The following SCO1 variants were observed in gnomAD, a reference collection of about 807,000 sequenced individuals.
The protein encoded by SCO1 is synthesis of cytochrome C oxidase 1.
A neutral mutation model predicts 34.0 loss-of-function variants in SCO1; 23 were observed. That is an observed-to-expected ratio of 0.68 (90% CI 0.49 to 0.96). The LOEUF (loss-of-function observed/expected upper bound fraction) is 0.96, where lower values mean the gene tolerates loss of function less well. Ranked by LOEUF, SCO1 falls within the 40% of genes least tolerant of loss-of-function variation. The probability of loss-of-function intolerance (pLI) is 0.00; values close to 1 mark genes in which losing one functional copy is unlikely to be tolerated. For synonymous variants in SCO1, 161 were observed against 145.5 expected (o/e 1.11, Z -0.77); for missense variants, 404 against 381.6 (o/e 1.06, Z -0.49).
chr17:10,692,935 T>C lies in SCO1; in HGVS notation c.391A>G (p.Ile131Val). The change falls in exon 3 of 6, where the codon ATC (isoleucine) becomes GTC (valine). Residue 131 changes from isoleucine (I) to valine (V), a missense_variant. Coordinates refer to ENST00000255390, the MANE Select transcript of SCO1 (RefSeq NM_004589.4). ...GGTCCCCCAAGTAAAGGCTTGCCGA[T>C]GTGTCGCTGCCGTTCCTTCTCTAAC... is the stretch of plus-strand genomic sequence containing the variant. Reference protein sequence around the residue: ...EKLEKERQRHIGKPLLGGPFS... With the variant: ...EKLEKERQRHVGKPLLGGPFS... 1.2e-6 allele frequency: 2 copies of C among 1,614,158 alleles called. No individual in the cohort carries two copies. The highest frequency in any genetic ancestry group is 1.7e-6 in the Non-Finnish European group (2 of 1,180,026).
chr17:10,673,240 G>A lies in SCO1; in HGVS notation c.*7879C>T, dbSNP rs1413887988. 1 of 152,164 alleles carries A rather than the reference G, an allele frequency of 6.6e-6. No homozygotes were observed. 9.4% of individuals were successfully genotyped at this position (152,164 alleles called of 1,614,324 possible). A position where few individuals can be genotyped will look rare whatever the true frequency, so the allele number is the denominator to read the frequency against. On this transcript the variant is annotated 3_prime_UTR_variant, in exon 6 of 6. Transcript: ENST00000255390. Reference sequence around the variant, plus strand: ...GATGATCTCGATCTCTTGATCTCGTGATCTGCCTTTTCTTTATCTTGTCTG... The same window carrying A: ...GATGATCTCGATCTCTTGATCTCGTAATCTGCCTTTTCTTTATCTTGTCTG...
At chr17:10,682,087 G>C (rs1343129371) in intron 5 of SCO1, among the ~76,000 whole-genome samples, 1 of 152,094 alleles carries the variant, frequency 6.6e-6, no homozygotes, top group Non-Finnish European at 1.5e-5. Flanking sequence ...CTTTAACTTA[G>C]ATTAGTCATC....
chr17:10,675,204 C>A lies in SCO1; in HGVS notation c.*5915G>T, dbSNP rs1597503087. On this transcript the variant is annotated 3_prime_UTR_variant, in exon 6 of 6. Coordinates refer to ENST00000255390, the MANE Select transcript of SCO1 (RefSeq NM_004589.4). ...TGTCTCTGGGGCCTAAGTGTGGCTA[C>A]TCTGCTCTGCCACACCACACCTGAG... 6.6e-6 allele frequency: 1 copy of A among 152,342 alleles called. No homozygotes were observed. 9.4% of individuals were successfully genotyped at this position (152,342 alleles called of 1,614,324 possible). A position where few individuals can be genotyped will look rare whatever the true frequency, so the allele number is the denominator to read the frequency against.
At chr17:10,687,406 C>T (rs1011937403) in intron 4 of SCO1, among the ~76,000 whole-genome samples, 1 of 152,166 alleles carries the variant, frequency 6.6e-6, no homozygotes, top group South Asian at 2.1e-4. Flanking sequence ...TCATTCACAG[C>T]GTGTATCTGC....
Position 10,672,676 on chromosome 17 carries a change from T to C in SCO1, c.*8443A>G, listed in dbSNP as rs957253902. 1.3e-5 allele frequency: 2 copies of C among 152,222 alleles called. No homozygotes were observed. The highest frequency in any genetic ancestry group is 2.9e-5 in the Non-Finnish European group (2 of 68,038). The allele number at this position is 152,222 out of a possible 1,614,324, so 9.4% of individuals were successfully genotyped here. Reference sequence around the variant, plus strand: ...TATTATTAGGCCTGTGTTGAAGACTTAAGTCAGGAGAAAACTGACATATTT... The same window carrying C: ...TATTATTAGGCCTGTGTTGAAGACTCAAGTCAGGAGAAAACTGACATATTT... On this transcript the variant is annotated 3_prime_UTR_variant, in exon 6 of 6. Coordinates refer to ENST00000255390, the MANE Select transcript of SCO1 (RefSeq NM_004589.4).
At chr17:10,688,434 C>T (rs1013362501) in intron 4 of SCO1, among the ~76,000 whole-genome samples, 1 of 152,130 alleles carries the variant, frequency 6.6e-6, no homozygotes, top group Admixed American at 6.5e-5. Context: ...TATGCCAAAA[C>T]CACAATGAGA....
In SCO1 at chr17:10,682,425, G is replaced by A. The variant is rs137866066; in HGVS notation, c.772-1172C>T. On this transcript the variant is annotated intron_variant, in intron 5 of 5. Transcript: ENST00000255390. ...GGATAGTTCACCGCAGGAGCAAGAC[G>A]GGGGGCTACGTTTCTCCACATATTT... Among the ~76,000 whole-genome samples, 103 of 152,224 alleles carry A rather than the reference G, an allele frequency of 6.8e-4. 1 individual carries two copies. The highest frequency in any genetic ancestry group is 1.2e-3 in the Non-Finnish European group (85 of 68,012).
chr17:10,693,933 C>T (rs2074706603), intron 2 of SCO1, among the ~76,000 whole-genome samples: 1 of 152,170 alleles, frequency 6.6e-6, no homozygotes, highest in African/African-American at 2.4e-5. Context: ...TAAATGAATA[C>T]ATTGATAGTG....
intron 4 of SCO1, among the ~76,000 whole-genome samples, chr17:10,690,205 C>A (rs556408995): frequency 1.3e-5 from 2 of 152,000 alleles, no homozygotes; most frequent in East Asian, 3.9e-4. Flanking sequence ...GGGGTTATAT[C>A]AAAATAAAAA....
intron 1 of SCO1, among the ~76,000 whole-genome samples, chr17:10,696,672 AACTAG>A (rs140527734): frequency 0.051 from 7,695 of 152,138 alleles, 601 homozygotes; most frequent in African/African-American, 0.17. Flanking sequence ...GATGTTGGCC[AACTAG>A]ACTAGGCCTA....
At chr17:10,694,087 A>G (rs962309501) in intron 2 of SCO1, among the ~76,000 whole-genome samples, 1 of 152,238 alleles carries the variant, frequency 6.6e-6, no homozygotes, top group African/African-American at 2.4e-5. Context: ...TAATGGGACA[A>G]CTGGTACTAT....
chr17:10,682,577 G>A lies in SCO1; in HGVS notation c.772-1324C>T, dbSNP rs377145718. On this transcript the variant is annotated intron_variant, in intron 5 of 5. Coordinates refer to ENST00000255390, the MANE Select transcript of SCO1 (RefSeq NM_004589.4). The stretch of plus-strand genomic sequence containing the variant: ...TAAAAAAAACAAACTACAGTATGTG[G>A]GACTTATTTTCTGAGTGTTCTTAAT... Among the ~76,000 whole-genome samples the A allele has an allele frequency of 3.9e-5, 6 of 152,048 alleles. No individual in the cohort carries two copies. The South Asian group carries it at 6.2e-4, about 16-fold the overall frequency.
intron 5 of SCO1, among the ~76,000 whole-genome samples, chr17:10,683,236 A>G (rs967755111): frequency 1.3e-5 from 2 of 152,018 alleles, no homozygotes; most frequent in Admixed American, 6.6e-5. Flanking sequence ...TATTTTTTTT[A>G]TACACAAGTA....
At chr17:10,686,993 G>A in intron 4 of SCO1, 151 bp from the exon 5 acceptor site, 2 of 666,182 alleles carry the variant, frequency 3.0e-6, no homozygotes, top group Non-Finnish European at 5.4e-6. Flanking sequence ...AGGAAAAGGA[G>A]AAGAAATTCA....
At position 10,673,270 on chromosome 17, in the gene SCO1, T is replaced by C. The variant is rs2074558859; in HGVS notation, c.*7849A>G. The C allele has an allele frequency of 6.6e-6, 1 of 152,244 alleles. No individual in the cohort carries two copies. The highest frequency in any genetic ancestry group is 2.1e-4 in the South Asian group (1 of 4,832). 9.4% of individuals were successfully genotyped at this position (152,244 alleles called of 1,614,324 possible). On this transcript the variant is annotated 3_prime_UTR_variant, in exon 6 of 6. Coordinates refer to ENST00000255390, the MANE Select transcript of SCO1 (RefSeq NM_004589.4). ...GCCTTTTCTTTATCTTGTCTGGTTA[T>C]GTGCATCCCAGAGGCACTCTCCAGG...
chr17:10,676,889 AT>A lies in SCO1; in HGVS notation c.*4229del, dbSNP rs1015477507. On this transcript the variant is annotated 3_prime_UTR_variant, in exon 6 of 6. Transcript: ENST00000255390. ...AAGTATATAGAAAATAATTACCCCTATAAGGTCTAAAGGTGTTATTAAGGAA... is the reference window on the plus strand; with the variant it reads ...AAGTATATAGAAAATAATTACCCCTAAAGGTCTAAAGGTGTTATTAAGGAA... The A allele has an allele frequency of 2.6e-5, 4 of 151,868 alleles. No homozygotes were observed. Among genetic ancestry groups the A allele is most frequent in the Non-Finnish European group, 5.9e-5 (4 of 68,008 alleles). 9.4% of individuals were successfully genotyped at this position (151,868 alleles called of 1,614,324 possible). A position where few individuals can be genotyped will look rare whatever the true frequency, so the allele number is the denominator to read the frequency against.
At chr17:10,696,071 T>TA (rs869243005) in intron 1 of SCO1, among the ~76,000 whole-genome samples, 1,725 of 72,974 alleles carry the variant, frequency 0.024, 217 homozygotes, top group African/African-American at 0.071. Flanking sequence ...TTCATGTAAA[T>TA]AAAAAAAAAA....
intron 4 of SCO1, among the ~76,000 whole-genome samples, chr17:10,690,968 C>T (rs772722452): frequency 2.6e-5 from 4 of 152,012 alleles, no homozygotes; most frequent in South Asian, 2.1e-4. Flanking sequence ...CATATTCATA[C>T]GTGGAAACTA....
intron 1 of SCO1, 89 bp downstream of exon 1, chr17:10,697,146 G>T: frequency 8.0e-7 from 1 of 1,242,440 alleles, no homozygotes; most frequent in East Asian, 2.6e-5. Flanking sequence ...AGGCGGAGTA[G>T]TGTCTGAGGT....
Sources: allele counts gnomAD v4.1 joint callset (sites outside exome capture counted in the v4.1 genomes callset), GRCh38; gene constraint gnomAD v4.1.1; transcripts MANE v1.5; gene names NCBI Gene and HGNC (gene_info 2026-07-23, HGNC 2026-07-21).